NOS1: variants seen among roughly 807,000 people sequenced by gnomAD.
NOS1 encodes the protein NOS type I.
Under a neutral mutation model 164.5 loss-of-function variants are expected in NOS1, and 51 were observed. The ratio of observed to expected loss-of-function variants is 0.31; its 90% CI spans 0.25 to 0.39. The LOEUF (loss-of-function observed/expected upper bound fraction) is 0.39, where lower values mean the gene tolerates loss of function less well. NOS1 is among the 10% of genes least tolerant of loss of function. The probability of loss-of-function intolerance (pLI) is 1.00; values close to 1 mark genes in which losing one functional copy is unlikely to be tolerated. For synonymous variants in NOS1, 719 were observed against 745.8 expected (o/e 0.96, Z 0.59); for missense variants, 1,362 against 1,885.6 (o/e 0.72, Z 5.14).
At chr12:117,333,981 A>G (rs549136027) in intron 1 of NOS1, among the ~76,000 whole-genome samples, 7 of 152,312 alleles carry the variant, frequency 4.6e-5, no homozygotes, top group African/African-American at 1.7e-4. Flanking sequence ...TTCTTTAATG[A>G]AAGAAGCAAC....
In NOS1 at chr12:117,260,634, A is replaced by G. The variant is rs1293988209; in HGVS notation, c.2223-25T>C. 3 of 1,601,174 alleles carry G rather than the reference A, an allele frequency of 1.9e-6. No individual in the cohort carries two copies. The African/African-American group carries it at 4.0e-5, about 21-fold the overall frequency. ...TCTGGAGGGAAGAGGATGGAGATGA[A>G]AAATGGGCAACAGAAAAGGGGAGAG... On this transcript the variant is annotated intron_variant, in intron 13 of 28. Transcript: ENST00000317775.
chr12:117,287,845 G>C (rs2136021984), intron 5 of NOS1, among the ~76,000 whole-genome samples: 1 of 152,340 alleles, frequency 6.6e-6, no homozygotes, highest in Non-Finnish European at 1.5e-5. Flanking sequence ...TTTAGGGTAT[G>C]TATCTAGGCA....
At chr12:117,337,685 TGG>T (rs1875903754) in intron 1 of NOS1, among the ~76,000 whole-genome samples, 1 of 152,042 alleles carries the variant, frequency 6.6e-6, no homozygotes, top group Non-Finnish European at 1.5e-5. Context: ...ATAGGCATGG[TGG>T]GGGTAGCATG....
intron 8 of NOS1, among the ~76,000 whole-genome samples, chr12:117,279,693 G>T (rs1173732711): frequency 6.6e-6 from 1 of 152,204 alleles, no homozygotes; most frequent in Non-Finnish European, 1.5e-5. Flanking sequence ...AGAGGTTGGG[G>T]CATTTATGTT....
intron 1 of NOS1, among the ~76,000 whole-genome samples, chr12:117,345,031 CTTTTTTTTT>C (rs57878360): frequency 8.0e-6 from 1 of 124,556 alleles, no homozygotes; most frequent in South Asian, 2.6e-4. Flanking sequence ...TGCTTTCTTG[CTTTTTTTTT>C]TTTTTTTTTT....
At chr12:117,318,031 G>C (rs1324075244) in intron 2 of NOS1, among the ~76,000 whole-genome samples, 1 of 152,168 alleles carries the variant, frequency 6.6e-6, no homozygotes, top group African/African-American at 2.4e-5. Context: ...AATTAGCTGA[G>C]CGTGGTGGCA....
At chr12:117,287,967 G>T in intron 5 of NOS1, 107 bp downstream of exon 5, 1 of 1,235,940 alleles carries the variant, frequency 8.1e-7, no homozygotes, top group Non-Finnish European at 1.2e-6. Context: ...CTCTGTGTAT[G>T]GCAGAGGCCT....
chr12:117,294,648 G>C (rs1873297620), intron 3 of NOS1, among the ~76,000 whole-genome samples: 1 of 152,206 alleles, frequency 6.6e-6, no homozygotes, highest in Non-Finnish European at 1.5e-5. Flanking sequence ...ACTATTCTGA[G>C]TGGGCACCAA....
rs1474207528 is a variant in NOS1 at position 117,331,284 on chromosome 12, C to T, written c.-215G>A. 6.9e-6 allele frequency: 4 copies of T among 581,718 alleles called. No individual in the cohort carries two copies. Among genetic ancestry groups the T allele is most frequent in the African/African-American group, 1.9e-5 (1 of 53,662 alleles). The allele number at this position is 581,718 out of a possible 1,614,324, so 36.0% of individuals were successfully genotyped here. A position where few individuals can be genotyped will look rare whatever the true frequency, so the allele number is the denominator to read the frequency against. ...TCGGTGGCATGATTTCCTGCATCCG[C>T]CTCTCTCCTTATTCTCTAAGGAAGT... On this transcript the variant is annotated 5_prime_UTR_variant, in exon 2 of 29. Coordinates refer to ENST00000317775, the MANE Select transcript of NOS1 (RefSeq NM_000620.5).
rs957848668 is a variant in NOS1 at position 117,208,725 on chromosome 12, G to A, written c.*6584C>T. ...TGCCATCCTCTGTTCTGGCATGGGA[G>A]GGCTTTTTTTTTTTTTTCCACAGGG... is the stretch of plus-strand genomic sequence containing the variant. On this transcript the variant is annotated 3_prime_UTR_variant, in exon 29 of 29. Coordinates refer to ENST00000317775, the MANE Select transcript of NOS1 (RefSeq NM_000620.5). 3 of 979,914 alleles carry A rather than the reference G, an allele frequency of 3.1e-6. No individual in the cohort carries two copies. The highest frequency in any genetic ancestry group is 7.1e-5 in the Admixed American group (1 of 14,162). The allele number at this position is 979,914 out of a possible 1,614,324, so 60.7% of individuals were successfully genotyped here. A position where few individuals can be genotyped will look rare whatever the true frequency, so the allele number is the denominator to read the frequency against.
intron 3 of NOS1, chr12:117,304,962 G>C (rs879130292): frequency 2.1e-6 from 2 of 962,684 alleles, no homozygotes; most frequent in East Asian, 2.3e-4. Context: ...ACCTGCATTC[G>C]TCCTGCTTCA....
At chr12:117,222,895 G>A in intron 25 of NOS1, 32 bp from the exon 26 acceptor site, 1 of 1,605,984 alleles carries the variant, frequency 6.2e-7, no homozygotes. Flanking sequence ...TGTCACCGAT[G>A]GCTCTCTGCC....
chr12:117,296,335 GA>G (rs1380971590), intron 3 of NOS1, among the ~76,000 whole-genome samples: 4 of 152,194 alleles, frequency 2.6e-5, no homozygotes, highest in Admixed American at 2.6e-4. Flanking sequence ...GTGTGTCCGT[GA>G]GGGTGTTGCC....
chr12:117,222,447 T>A (rs1307739142), intron 26 of NOS1, among the ~76,000 whole-genome samples: 1 of 152,012 alleles, frequency 6.6e-6, no homozygotes, highest in African/African-American at 2.4e-5. Context: ...GTAGACAGGG[T>A]TTCACCATGT....
chr12:117,253,246 T>A (rs1193687111), intron 17 of NOS1, among the ~76,000 whole-genome samples: 1 of 152,100 alleles, frequency 6.6e-6, no homozygotes, highest in African/African-American at 2.4e-5. Context: ...TTGAGGAGCC[T>A]CCAGGATTGG....
chr12:117,265,772 T>C (rs1471629269), intron 11 of NOS1, among the ~76,000 whole-genome samples: 1 of 151,740 alleles, frequency 6.6e-6, no homozygotes, highest in Non-Finnish European at 1.5e-5. Flanking sequence ...CCCACCCCCA[T>C]CTTTTTTTTC....
chr12:117,311,414 G>A (rs1159515814), intron 3 of NOS1, 52 bp downstream of exon 3: 17 of 1,526,996 alleles, frequency 1.1e-5, no homozygotes, highest in Non-Finnish European at 2.7e-6. Flanking sequence ...ACCTGGGAGG[G>A]GGTCGAGAAG....
intron 24 of NOS1, 58 bp from the exon 25 acceptor site, chr12:117,225,195 T>C (rs534004325): frequency 2.5e-5 from 39 of 1,565,938 alleles, no homozygotes; most frequent in Admixed American, 2.4e-4. Flanking sequence ...TCAAGAACAA[T>C]TGAATCTTAG....
At chr12:117,244,886 G>A (rs1385461011) in intron 18 of NOS1, among the ~76,000 whole-genome samples, 1 of 152,152 alleles carries the variant, frequency 6.6e-6, no homozygotes, top group Non-Finnish European at 1.5e-5. Context: ...TTGTGGTTTC[G>A]AGAGCTGGGG....
Sources: gnomAD v4.1 joint callset for allele counts (sites outside exome capture counted in the v4.1 genomes callset) on GRCh38, gnomAD v4.1.1 for gene constraint, MANE v1.5 for transcripts, NCBI Gene and HGNC (gene_info 2026-07-23, HGNC 2026-07-21) for gene names.